The following EYS variants were observed in gnomAD, a reference collection of about 807,000 sequenced individuals.
The protein encoded by EYS is EGF-like photoreceptor maintenance factor, also known as protein eyes shut homolog.
In EYS, 250 loss-of-function variants were observed where a neutral mutation model predicts 282.1. That is an observed-to-expected ratio of 0.89 (90% CI 0.80 to 0.98). The LOEUF is 0.98. Among genes scored for constraint, EYS ranks in the 50% least tolerant of loss-of-function variants. EYS has a pLI of 0.00. For missense variants in EYS, 4,016 were observed against 3,709.0 expected, an observed-to-expected ratio of 1.08 and a Z score of -2.15; for synonymous variants, 1,355 against 1,282.9, an observed-to-expected ratio of 1.06 and a Z score of -1.20.
At chr6:65,406,524 C>T (rs560645736) in intron 5 of EYS, among the ~76,000 whole-genome samples, 4 of 151,966 alleles carry the variant, frequency 2.6e-5, no homozygotes, top group Non-Finnish European at 5.9e-5. Flanking sequence ...GTCATGAAGA[C>T]ATTTTAATAT....
Position 64,732,274 on chromosome 6 carries a change from T to C in EYS, c.3443+81104A>G, listed in dbSNP as rs144722251. On this transcript the variant is annotated intron_variant, in intron 22 of 42. Transcript: ENST00000503581. ...TGTATACCTATGTAACAAACCTGCA[T>C]GTTCTGCACATGTATCCCAGAACTT... is the stretch of plus-strand genomic sequence containing the variant. 1.1e-3 allele frequency among the ~76,000 whole-genome samples: 172 copies of C among 151,242 alleles called. 4 individuals are homozygous for C. In the East Asian group the frequency reaches 0.022, roughly 19 times the overall value.
intron 22 of EYS, among the ~76,000 whole-genome samples, chr6:64,675,428 C>CTTTTTTTTTTTTTTTTTTTT (rs56346431): frequency 2.4e-4 from 28 of 114,612 alleles, no homozygotes; most frequent in Non-Finnish European, 3.0e-4. Flanking sequence ...CTTTTTTTTT[C>CTTTTTTTTTTTTTTTTTTTT]TTTTTTTTTT....
chr6:65,073,402 C>A (rs1418651940), intron 12 of EYS, among the ~76,000 whole-genome samples: 1 of 151,720 alleles, frequency 6.6e-6, no homozygotes, highest in Non-Finnish European at 1.5e-5. Context: ...CATTAGCCCT[C>A]TCTGAAGTAT....
chr6:65,599,092 G>A (rs1182869046), intron 2 of EYS, among the ~76,000 whole-genome samples: 1 of 151,952 alleles, frequency 6.6e-6, no homozygotes, highest in Non-Finnish European at 1.5e-5. Context: ...TCAGCCTTGT[G>A]GAAATCATGG....
intron 2 of EYS, among the ~76,000 whole-genome samples, chr6:65,560,703 A>G: frequency 6.6e-6 from 1 of 152,040 alleles, no homozygotes; most frequent in East Asian, 1.9e-4. Context: ...GTTAAAGCAT[A>G]TTAAATGGAT....
At chr6:64,580,679 A>T (rs1452737331) in intron 26 of EYS, among the ~76,000 whole-genome samples, 3 of 152,174 alleles carry the variant, frequency 2.0e-5, no homozygotes, top group Non-Finnish European at 1.5e-5. Context: ...GAGGAAAGAA[A>T]ATAATATGTT....
intron 11 of EYS, chr6:65,329,304 T>C: frequency 1.2e-6 from 1 of 819,312 alleles, no homozygotes; most frequent in Non-Finnish European, 1.5e-6. Flanking sequence ...TTTAATGAAG[T>C]TTGTTATAAT....
At chr6:65,511,415 C>T (rs1345842856) in intron 2 of EYS, among the ~76,000 whole-genome samples, 1 of 151,656 alleles carries the variant, frequency 6.6e-6, no homozygotes, top group Non-Finnish European at 1.5e-5. Context: ...TAAATACTCA[C>T]CTATCTAGGA....
intron 18 of EYS, among the ~76,000 whole-genome samples, chr6:64,898,176 A>G (rs1056680950): frequency 2.0e-5 from 3 of 152,192 alleles, no homozygotes; most frequent in African/African-American, 7.2e-5. Flanking sequence ...GGCTGAAATG[A>G]AGGAAAAAAT....
intron 18 of EYS, among the ~76,000 whole-genome samples, chr6:64,896,549 T>TG (rs1562247877): frequency 2.3e-4 from 34 of 150,318 alleles, no homozygotes; most frequent in South Asian, 6.3e-4. Flanking sequence ...GTTGTTGTTT[T>TG]TTTTTTTTTT....
At chr6:65,694,919 T>A (rs535903097) in intron 1 of EYS, among the ~76,000 whole-genome samples, 2 of 151,908 alleles carry the variant, frequency 1.3e-5, no homozygotes, top group African/African-American at 4.8e-5. Context: ...AATATAAAAT[T>A]TGATATAATG....
intron 22 of EYS, among the ~76,000 whole-genome samples, chr6:64,701,493 T>C (rs1483696201): frequency 1.3e-5 from 2 of 152,058 alleles, no homozygotes; most frequent in Non-Finnish European, 2.9e-5. Flanking sequence ...AAAAGATATC[T>C]GTACTTGTAT....
At chr6:64,545,319 G>A (rs373111846) in intron 26 of EYS, among the ~76,000 whole-genome samples, 21 of 151,954 alleles carry the variant, frequency 1.4e-4, no homozygotes, top group Non-Finnish European at 2.4e-4. Flanking sequence ...AAAATTCAAC[G>A]ACCCTTCATG....
chr6:65,338,435 T>A (rs1276186237), intron 10 of EYS, among the ~76,000 whole-genome samples: 5 of 151,170 alleles, frequency 3.3e-5, no homozygotes, highest in African/African-American at 1.2e-4. Flanking sequence ...CATTAATCTT[T>A]AAAAATTTTA....
intron 31 of EYS, among the ~76,000 whole-genome samples, chr6:64,201,545 C>T (rs1765459849): frequency 6.6e-6 from 1 of 151,938 alleles, no homozygotes; most frequent in African/African-American, 2.4e-5. Flanking sequence ...ATAACAATGT[C>T]TTAACCATTA....
intron 30 of EYS, among the ~76,000 whole-genome samples, chr6:64,231,729 A>C (rs1265072151): frequency 1.3e-5 from 2 of 152,078 alleles, no homozygotes; most frequent in African/African-American, 4.8e-5. Flanking sequence ...CTCCCTCCAC[A>C]CAAAAGTTTC....
At chr6:64,629,694 T>C (rs1767719296) in intron 22 of EYS, among the ~76,000 whole-genome samples, 1 of 152,200 alleles carries the variant, frequency 6.6e-6, no homozygotes, top group African/African-American at 2.4e-5. Flanking sequence ...TGTTCATTAC[T>C]AGAAAGCAAT....
chr6:65,646,226 TACA>T (rs1767445915), intron 1 of EYS, among the ~76,000 whole-genome samples: 1 of 151,762 alleles, frequency 6.6e-6, no homozygotes, highest in Non-Finnish European at 1.5e-5. Context: ...ACATCACAAC[TACA>T]ACAAGAACAA....
chr6:64,534,212 C>T (rs762653988), intron 26 of EYS, among the ~76,000 whole-genome samples: 5 of 151,558 alleles, frequency 3.3e-5, no homozygotes, highest in African/African-American at 9.7e-5. Context: ...TGAATGCATA[C>T]GAATTTAGCA....
Sources: allele counts gnomAD v4.1 joint callset (sites outside exome capture counted in the v4.1 genomes callset), GRCh38; gene constraint gnomAD v4.1.1; transcripts MANE v1.5; gene names NCBI Gene and HGNC (gene_info 2026-07-23, HGNC 2026-07-21).